The following FAM98B variants were observed in gnomAD, a reference collection of about 807,000 sequenced individuals.
FAM98B encodes the protein tRNA splicing ligase complex subunit 3B.
Under a neutral mutation model 43.9 loss-of-function variants are expected in FAM98B, and 32 were observed. The ratio of observed to expected loss-of-function variants is 0.73; its 90% CI spans 0.55 to 0.98. FAM98B has a LOEUF of 0.98. Ranked by LOEUF, FAM98B falls within the 50% of genes least tolerant of loss-of-function variation. The pLI is 0.00. For synonymous variants in FAM98B, 190 were observed against 174.0 expected (o/e 1.09, Z -0.72); for missense variants, 514 against 522.9 (o/e 0.98, Z 0.17).
intron 1 of FAM98B, among the ~76,000 whole-genome samples, chr15:38,454,979 C>T (rs1889826286): frequency 6.6e-6 from 1 of 152,052 alleles, no homozygotes; most frequent in African/African-American, 2.4e-5. Context: ...TAATCTCCCC[C>T]TCAACCTCAT....
At chr15:38,467,031 T>A (rs1164521317) in intron 3 of FAM98B, among the ~76,000 whole-genome samples, 2 of 152,176 alleles carry the variant, frequency 1.3e-5, no homozygotes, top group Non-Finnish European at 2.9e-5. Flanking sequence ...ACATTATGTG[T>A]AATAGATTTC....
intron 1 of FAM98B, among the ~76,000 whole-genome samples, chr15:38,461,580 C>G (rs1174044370): frequency 6.6e-6 from 1 of 151,898 alleles, no homozygotes; most frequent in Non-Finnish European, 1.5e-5. Context: ...GCCTGGCCTG[C>G]TACATAAAGG....
intron 1 of FAM98B, chr15:38,458,817 A>T (rs62002921): frequency 0.013 from 6,015 of 477,530 alleles, 226 homozygotes; most frequent in Non-Finnish European, 0.021. Context: ...AAGACTGGGA[A>T]CAGGTTCAGC....
At chr15:38,481,212 AT>A (rs756841894) in intron 6 of FAM98B, 79 bp from the exon 7 acceptor site, 8 of 1,246,436 alleles carry the variant, frequency 6.4e-6, no homozygotes, top group Non-Finnish European at 9.1e-6. Flanking sequence ...CCTTTTCTTT[AT>A]TTCTAAAGAT....
rs1486139238 is a variant in FAM98B, at chr15:38,487,146, T to C, written c.*2487T>C. ...GTATAAAGAGCATGTATTCTGTCTA[T>C]AACATAATCACCACACTATTACTCA... is the stretch of plus-strand genomic sequence containing the variant. On this transcript the variant is annotated 3_prime_UTR_variant, in exon 8 of 8. Transcript: ENST00000397609. 2 of 152,132 alleles carry C rather than the reference T, an allele frequency of 1.3e-5. No homozygotes were observed. The highest frequency in any genetic ancestry group is 2.9e-5 in the Non-Finnish European group (2 of 67,966). 9.4% of individuals were successfully genotyped at this position (152,132 alleles called of 1,614,324 possible).
At chr15:38,469,656 G>A (rs1469502822) in intron 3 of FAM98B, among the ~76,000 whole-genome samples, 1 of 152,104 alleles carries the variant, frequency 6.6e-6, no homozygotes, top group Non-Finnish European at 1.5e-5. Flanking sequence ...CATTTAATAT[G>A]TTAATTAAAA....
intron 3 of FAM98B, among the ~76,000 whole-genome samples, chr15:38,468,958 GT>G (rs1282422264): frequency 3.3e-5 from 5 of 152,340 alleles, no homozygotes; most frequent in African/African-American, 9.6e-5. Flanking sequence ...CCAGGCTGGA[GT>G]GCAATGGCAC....
chr15:38,484,345 G>A lies in FAM98B; in HGVS notation c.988G>A (p.Glu330Lys). 6.5e-7 allele frequency: 1 copy of A among 1,539,054 alleles called. No individual in the cohort carries two copies. The highest frequency in any genetic ancestry group is 8.7e-7 in the Non-Finnish European group (1 of 1,143,488). The change falls in exon 8 of 8, where the codon GAA (glutamate) becomes AAA (lysine). Residue 330 changes from glutamate (E) to lysine (K), a missense_variant. By Grantham distance (56) the Glu-to-Lys change is moderately conservative. Transcript: ENST00000397609. Reference sequence around the variant, plus strand: ...AATGCCCCCTTGGCAAAAGAGACAAGAAGGCGGCGGTGGAAGGGGTGGTTG... The same window carrying A: ...AATGCCCCCTTGGCAAAAGAGACAAAAAGGCGGCGGTGGAAGGGGTGGTTG... The part of the protein sequence containing the change: ...PEMPPWQKRQ[E>K]GGGGRGGWGG...
At chr15:38,465,203 G>A in intron 2 of FAM98B, 66 bp from the exon 3 acceptor site, 1 of 1,462,518 alleles carries the variant, frequency 6.8e-7, no homozygotes. Flanking sequence ...TAAACGAGTA[G>A]ATTTTATAGT....
At chr15:38,466,127 A>G (rs910649294) in intron 3 of FAM98B, among the ~76,000 whole-genome samples, 1 of 152,022 alleles carries the variant, frequency 6.6e-6, no homozygotes, top group African/African-American at 2.4e-5. Context: ...TACACGTGAC[A>G]TATTCCTCCT....
rs1890338602 is a variant in FAM98B at position 38,484,490 on chromosome 15, G to C, written c.1133G>C (p.Gly378Ala). 9.1e-6 allele frequency: 5 copies of C among 549,724 alleles called. No individual in the cohort carries two copies. The highest frequency in any genetic ancestry group is 1.3e-5 in the Non-Finnish European group (5 of 398,028). The allele number at this position is 549,724 out of a possible 1,614,324, so 34.1% of individuals were successfully genotyped here. A position where few individuals can be genotyped will look rare whatever the true frequency, so the allele number is the denominator to read the frequency against. Residue 378 changes from glycine (G) to alanine (A), a missense_variant, in exon 8 of 8, where the codon GGA (glycine) becomes GCA (alanine). Physicochemically the swap from Gly to Ala is moderately conservative, Grantham distance 60. Transcript: ENST00000397609. ...GGGGGAGGGGGAGGAGGGTGGGGGG[G>C]AGGAGGAGGAGGTGGTAGAGGAGGT... ...GGGGGGGGWG[G>A]GGGGGRGGFQ...
intron 3 of FAM98B, 33 bp from the exon 4 acceptor site, chr15:38,470,194 G>T (rs1890102003): frequency 7.6e-7 from 1 of 1,323,040 alleles, no homozygotes; most frequent in Non-Finnish European, 1.0e-6. Context: ...TCTTATACAT[G>T]TATTAACATT....
chr15:38,460,833 C>T (rs1889935182), intron 1 of FAM98B, among the ~76,000 whole-genome samples: 1 of 152,136 alleles, frequency 6.6e-6, no homozygotes, highest in Non-Finnish European at 1.5e-5. Context: ...CCTGAGCTTC[C>T]TCATCTGTAA....
rs1215162376 is a variant in FAM98B at position 38,484,598 on chromosome 15, ATGGAGGAGG to A, written c.1245_1253del (p.Gly427_Gly429del). 9 of 830,838 alleles carry A rather than the reference ATGGAGGAGG, an allele frequency of 1.1e-5. No homozygotes were observed. The highest frequency in any genetic ancestry group is 4.8e-5 in the South Asian group (3 of 61,978). 51.5% of individuals were successfully genotyped at this position (830,838 alleles called of 1,614,324 possible). Reference sequence around the variant, plus strand: ...GGTGGAAGAGGCTATGGAGATCCATATGGAGGAGGTGGTGGTGGTGGTGGTGGTGGTGGT... The same window carrying A: ...GGTGGAAGAGGCTATGGAGATCCATATGGTGGTGGTGGTGGTGGTGGTGGT... On this transcript the variant is annotated inframe_deletion, in exon 8 of 8. Coordinates refer to ENST00000397609, the MANE Select transcript of FAM98B (RefSeq NM_173611.4).
At chr15:38,466,294 C>G (rs950800411) in intron 3 of FAM98B, among the ~76,000 whole-genome samples, 1 of 151,940 alleles carries the variant, frequency 6.6e-6, no homozygotes, top group Non-Finnish European at 1.5e-5. Context: ...TATGCCCTCT[C>G]TCTCCATCCC....
intron 4 of FAM98B, among the ~76,000 whole-genome samples, chr15:38,472,127 A>C (rs1268537492): frequency 1.3e-5 from 2 of 152,162 alleles, no homozygotes; most frequent in Non-Finnish European, 2.9e-5. Context: ...AACTTACTCT[A>C]TAACAAGTGA....
rs1682730566 is a variant in FAM98B, at chr15:38,485,246, C to T, written c.*587C>T. 1 of 152,110 alleles carries T rather than the reference C, an allele frequency of 6.6e-6. No individual in the cohort carries two copies. The highest frequency in any genetic ancestry group is 2.4e-5 in the African/African-American group (1 of 41,396). 9.4% of individuals were successfully genotyped at this position (152,110 alleles called of 1,614,324 possible). On this transcript the variant is annotated 3_prime_UTR_variant, in exon 8 of 8. Transcript: ENST00000397609. ...CTGTTAAAGTTTCATTAATTGAAGC[C>T]CAAGTTTACTTTTTACTGTACATAC...
In FAM98B at chr15:38,465,275, A is replaced by T. The variant is rs771093185; in HGVS notation, c.224A>T (p.Asp75Val). The part of the protein sequence containing the change: ...LEESITSAGR[D>V]DLESFQLEIS... ...TGATTTTTCTTTTTTAAAGGAAGAG[A>T]TGATCTAGAGAGCTTCCAGCTTGAG... The change falls in exon 3 of 8, where the codon GAT (aspartate) becomes GTT (valine). Residue 75 changes from aspartate (D) to valine (V), a missense_variant. Physicochemically the swap from Asp to Val is radical, Grantham distance 152 (BLOSUM62 -3). Transcript: ENST00000397609. The T allele has an allele frequency of 9.3e-6, 15 of 1,605,256 alleles. No individual in the cohort carries two copies. The highest frequency in any genetic ancestry group is 3.4e-5 in the South Asian group (3 of 88,918).
chr15:38,464,019 T>A lies in FAM98B; in HGVS notation c.72-13T>A, dbSNP rs1889990497. 6.3e-7 allele frequency: 1 copy of A among 1,581,760 alleles called. No individual in the cohort carries two copies. The highest frequency in any genetic ancestry group is 1.8e-5 in the Admixed American group (1 of 55,342). On this transcript the variant is annotated splice_polypyrimidine_tract_variant and intron_variant, in intron 1 of 7. Coordinates refer to ENST00000397609, the MANE Select transcript of FAM98B (RefSeq NM_173611.4). The stretch of plus-strand genomic sequence containing the variant: ...GCTTATTTAGTTTTTAACTTGTATT[T>A]CTTCCTTTCTAGGTATAAAGGACCA...
Sources: allele counts gnomAD v4.1 joint callset (sites outside exome capture counted in the v4.1 genomes callset), GRCh38; gene constraint gnomAD v4.1.1; transcripts MANE v1.5; gene names NCBI Gene and HGNC (gene_info 2026-07-23, HGNC 2026-07-21).